RBPMS: variants seen among roughly 807,000 people sequenced by gnomAD.
The protein encoded by RBPMS is RNA binding protein, mRNA processing factor, also known as RNA-binding protein with multiple splicing.
Under a neutral mutation model 26.8 loss-of-function variants are expected in RBPMS, and 7 were observed. The ratio of observed to expected loss-of-function variants is 0.26; its 90% CI spans 0.15 to 0.49. RBPMS has a LOEUF of 0.49. Among genes scored for constraint, RBPMS ranks in the 20% least tolerant of loss-of-function variants. RBPMS has a pLI of 0.98. For synonymous variants in RBPMS, 96 were observed against 93.3 expected (o/e 1.03, Z -0.17); for missense variants, 186 against 250.0 (o/e 0.74, Z 1.73).
At chr8:30,484,731 TAATAG>T (rs1818614891) in intron 4 of RBPMS, among the ~76,000 whole-genome samples, 1 of 152,194 alleles carries the variant, frequency 6.6e-6, no homozygotes. Flanking sequence ...AGAAAAGACT[TAATAG>T]TGTCAGATGT....
intron 6 of RBPMS, among the ~76,000 whole-genome samples, chr8:30,551,718 G>A (rs935860698): frequency 1.3e-5 from 2 of 152,196 alleles, no homozygotes; most frequent in Non-Finnish European, 2.9e-5. Flanking sequence ...AACTGTCACA[G>A]TCGGGTGCTG....
At position 30,449,495 on chromosome 8, in the gene RBPMS, G is replaced by A. The variant is rs568577659; in HGVS notation, c.67-25284G>A. Reference sequence around the variant, plus strand: ...AGCAATTCCCCCTGCCTCAGCCTCCGGAGTAGCTGGGATTATAGGCACCCG... The same window carrying A: ...AGCAATTCCCCCTGCCTCAGCCTCCAGAGTAGCTGGGATTATAGGCACCCG... On this transcript the variant is annotated intron_variant, in intron 1 of 8. Transcript: ENST00000397323. 4.6e-5 allele frequency among the ~76,000 whole-genome samples: 7 copies of A among 151,148 alleles called. No homozygotes were observed. In the East Asian group the frequency reaches 7.8e-4, roughly 17 times the overall value.
intron 1 of RBPMS, among the ~76,000 whole-genome samples, chr8:30,461,176 A>G (rs76388788): frequency 0.018 from 2,712 of 152,262 alleles, 65 homozygotes; most frequent in African/African-American, 0.061. Context: ...CAATCTCTTC[A>G]TTGATGTTGA....
rs368518975 is a variant in RBPMS, at chr8:30,513,195, G to A, written c.397+8759G>A. On this transcript the variant is annotated intron_variant, in intron 5 of 8. Transcript: ENST00000397323. ...GATAGCAAAAGAAAGAGGCCAGGAA[G>A]TGAGACACAGAGGAGAAAGACTTCA... Among the ~76,000 whole-genome samples, 55 of 152,210 alleles carry A rather than the reference G, an allele frequency of 3.6e-4. No homozygotes were observed. In the East Asian group the frequency reaches 8.3e-3, roughly 23 times the overall value.
intron 1 of RBPMS, among the ~76,000 whole-genome samples, chr8:30,392,764 C>T (rs1178906453): frequency 2.0e-5 from 3 of 151,934 alleles, no homozygotes; most frequent in Non-Finnish European, 2.9e-5. Flanking sequence ...GTTTCTCCTT[C>T]GGGTGGCTAG....
intron 5 of RBPMS, among the ~76,000 whole-genome samples, chr8:30,527,003 T>A (rs1180587479): frequency 6.6e-6 from 1 of 152,174 alleles, no homozygotes; most frequent in Non-Finnish European, 1.5e-5. Flanking sequence ...GCTCTGTAGC[T>A]CCATCCTAAA....
intron 5 of RBPMS, among the ~76,000 whole-genome samples, chr8:30,530,333 A>G (rs990468103): frequency 6.6e-6 from 1 of 152,240 alleles, no homozygotes; most frequent in Non-Finnish European, 1.5e-5. Flanking sequence ...ATACAAGTCT[A>G]TCACATTAGT....
At chr8:30,411,207 T>C (rs1396895601) in intron 1 of RBPMS, among the ~76,000 whole-genome samples, 2 of 152,208 alleles carry the variant, frequency 1.3e-5, no homozygotes, top group African/African-American at 2.4e-5. Context: ...CACTTCTCAC[T>C]TCCTCCTGTA....
chr8:30,506,687 T>C lies in RBPMS; in HGVS notation c.397+2251T>C, dbSNP rs571539067. Among the ~76,000 whole-genome samples, 36 of 152,272 alleles carry C rather than the reference T, an allele frequency of 2.4e-4. 1 individual carries two copies. The highest frequency in any genetic ancestry group is 1.5e-3 in the South Asian group (7 of 4,812). On this transcript the variant is annotated intron_variant, in intron 5 of 8. Coordinates refer to ENST00000397323, the MANE Select transcript of RBPMS (RefSeq NM_001008710.3). ...ATAATGGAATTGGAGAATTTGAGGA[T>C]TGGAAAGGCCCTGAAGGCTAGTCTT...
At chr8:30,483,632 A>T (rs933789459) in intron 4 of RBPMS, among the ~76,000 whole-genome samples, 1 of 151,992 alleles carries the variant, frequency 6.6e-6, no homozygotes, top group Non-Finnish European at 1.5e-5. Flanking sequence ...TTGCTATTTT[A>T]ATGACTTTTA....
intron 5 of RBPMS, among the ~76,000 whole-genome samples, chr8:30,505,760 T>A (rs1430036386): frequency 6.6e-6 from 1 of 152,176 alleles, no homozygotes; most frequent in East Asian, 1.9e-4. Flanking sequence ...TTTATTATAG[T>A]GAGTGGATAA....
intron 5 of RBPMS, among the ~76,000 whole-genome samples, chr8:30,508,116 A>G (rs923280463): frequency 5.3e-5 from 8 of 152,174 alleles, no homozygotes; most frequent in African/African-American, 1.4e-4. Flanking sequence ...CTAATCCATT[A>G]TGACTGCTAT....
chr8:30,541,899 C>T (rs775528865), intron 5 of RBPMS, among the ~76,000 whole-genome samples: 23 of 152,220 alleles, frequency 1.5e-4, no homozygotes, highest in Middle Eastern at 3.2e-3. Context: ...TGCTTTAATA[C>T]CCATTTCCGT....
intron 1 of RBPMS, among the ~76,000 whole-genome samples, chr8:30,449,050 A>AT (rs1483839034): frequency 6.6e-6 from 1 of 152,206 alleles, no homozygotes; most frequent in Non-Finnish European, 1.5e-5. Context: ...GTACTGGAGA[A>AT]TGACAGGTAA....
chr8:30,570,272 G>T (rs562401420), intron 8 of RBPMS, among the ~76,000 whole-genome samples: 1 of 152,280 alleles, frequency 6.6e-6, no homozygotes, highest in Admixed American at 6.5e-5. Context: ...CAAAATTCTA[G>T]TGTATGCTGA....
At chr8:30,541,991 G>A (rs1273127706) in intron 5 of RBPMS, among the ~76,000 whole-genome samples, 2 of 152,202 alleles carry the variant, frequency 1.3e-5, no homozygotes, top group Admixed American at 6.5e-5. Context: ...CTTCAGGTGC[G>A]ATCCTGACCT....
chr8:30,512,712 T>A (rs902622704), intron 5 of RBPMS, among the ~76,000 whole-genome samples: 3 of 152,198 alleles, frequency 2.0e-5, no homozygotes, highest in African/African-American at 7.2e-5. Context: ...GTGCTGAGAT[T>A]ACAGGCAAGA....
intron 1 of RBPMS, among the ~76,000 whole-genome samples, chr8:30,457,106 A>G (rs893216309): frequency 8.5e-5 from 13 of 152,176 alleles, no homozygotes; most frequent in Non-Finnish European, 1.8e-4. Context: ...CCAGGTTCCA[A>G]AGATCACTGA....
At chr8:30,424,921 C>G (rs1294282433) in intron 1 of RBPMS, among the ~76,000 whole-genome samples, 1 of 151,874 alleles carries the variant, frequency 6.6e-6, no homozygotes, top group African/African-American at 2.4e-5. Context: ...TAGCATTAGC[C>G]CATTATTAAA....
Sources: gnomAD v4.1 joint callset for allele counts (sites outside exome capture counted in the v4.1 genomes callset) on GRCh38, gnomAD v4.1.1 for gene constraint, MANE v1.5 for transcripts, NCBI Gene and HGNC (gene_info 2026-07-23, HGNC 2026-07-21) for gene names.